Variants in RIC1 observed in about 807,000 individuals in gnomAD.
The protein encoded by RIC1 is RIC1 partner of RAB6A GEF complex, also known as guanine nucleotide exchange factor subunit RIC1.
In RIC1, 88 loss-of-function variants were observed where a neutral mutation model predicts 169.0. The ratio of observed to expected loss-of-function variants is 0.52; its 90% CI spans 0.44 to 0.62. The LOEUF is 0.62. Among genes scored for constraint, RIC1 ranks in the 20% least tolerant of loss-of-function variants. The probability of loss-of-function intolerance (pLI) is 0.00; values close to 1 mark genes in which losing one functional copy is unlikely to be tolerated. For missense variants in RIC1, 1,877 were observed against 1,725.5 expected, an observed-to-expected ratio of 1.09 and a Z score of -1.56; for synonymous variants, 790 against 601.5, an observed-to-expected ratio of 1.31 and a Z score of -4.59.
intron 6 of RIC1, among the ~76,000 whole-genome samples, chr9:5,731,131 A>G (rs188417223): frequency 2.0e-5 from 3 of 152,184 alleles, no homozygotes; most frequent in East Asian, 3.9e-4. Flanking sequence ...CCAGTATTCA[A>G]TATACTTTTT....
At chr9:5,736,336 C>G (rs1315281017) in intron 7 of RIC1, among the ~76,000 whole-genome samples, 1 of 152,126 alleles carries the variant, frequency 6.6e-6, no homozygotes, top group Non-Finnish European at 1.5e-5. Flanking sequence ...CTGATACAGC[C>G]AAGAAAACGG....
At chr9:5,649,722 A>C (rs1275477797) in intron 1 of RIC1, among the ~76,000 whole-genome samples, 2 of 143,938 alleles carry the variant, frequency 1.4e-5, no homozygotes, top group African/African-American at 5.2e-5. Flanking sequence ...GTTCCTTTGG[A>C]GATGTCATAA....
chr9:5,705,828 T>C (rs543600794), intron 3 of RIC1, among the ~76,000 whole-genome samples: 2 of 152,326 alleles, frequency 1.3e-5, no homozygotes, highest in East Asian at 1.9e-4. Flanking sequence ...CCTTTCCTCA[T>C]TTGTTGAGTG....
At chr9:5,702,625 G>A (rs571347491) in intron 3 of RIC1, among the ~76,000 whole-genome samples, 126 of 152,108 alleles carry the variant, frequency 8.3e-4, no homozygotes, top group Middle Eastern at 3.4e-3. Context: ...TGCAACCTCC[G>A]CCTCCCGGGT....
At chr9:5,662,390 A>G (rs1234430275) in intron 2 of RIC1, among the ~76,000 whole-genome samples, 1 of 152,008 alleles carries the variant, frequency 6.6e-6, no homozygotes, top group Non-Finnish European at 1.5e-5. Flanking sequence ...GTTTTGGAAT[A>G]GTTTCAGTAG....
In RIC1 at chr9:5,765,776, C is replaced by G; in HGVS notation, c.3115C>G (p.Pro1039Ala). The change falls in exon 21 of 26, where the codon CCA (proline) becomes GCA (alanine). Residue 1039 changes from proline to alanine, a missense_variant. Pro to Ala is a conservative substitution (Grantham distance 27). Around this residue, in one of 3 missense-constraint regions of RIC1, gnomAD observed 681 missense variants for 582.0 expected, o/e 1.17. Coordinates refer to ENST00000414202, the MANE Select transcript of RIC1 (RefSeq NM_020829.4). ...KFSLQKTLSM[P>A]SGPSGKRWSK... ...CAGTTTACAGAAAACACTAAGTATG[C>G]CATCTGGTCCCTCTGGAAAAAGGTA... is the stretch of plus-strand genomic sequence containing the variant. 1 of 1,614,114 alleles carries G rather than the reference C, an allele frequency of 6.2e-7. No individual in the cohort carries two copies. The highest frequency in any genetic ancestry group is 1.3e-5 in the African/African-American group (1 of 75,038).
At chr9:5,663,897 G>A (rs1819600787) in intron 2 of RIC1, among the ~76,000 whole-genome samples, 1 of 152,148 alleles carries the variant, frequency 6.6e-6, no homozygotes, top group Non-Finnish European at 1.5e-5. Flanking sequence ...CCTTCATAGT[G>A]TCACTGATCT....
At position 5,745,919 on chromosome 9, in the gene RIC1, C is replaced by A. The variant is rs1385976368; in HGVS notation, c.1096-12C>A. ...TGCTCTGACTTTTTTTCTCCCTCCT[C>A]TTCTCTCTAAGAGCTGGGGTGCAGA... On this transcript the variant is annotated splice_polypyrimidine_tract_variant and intron_variant, in intron 10 of 25. Coordinates refer to ENST00000414202, the MANE Select transcript of RIC1 (RefSeq NM_020829.4). 6.2e-7 allele frequency: 1 copy of A among 1,606,774 alleles called. No homozygotes were observed. Among genetic ancestry groups the A allele is most frequent in the African/African-American group, 1.3e-5 (1 of 74,892 alleles).
intron 7 of RIC1, among the ~76,000 whole-genome samples, chr9:5,733,878 T>TGA (rs1343190816): frequency 1.3e-5 from 2 of 151,718 alleles, no homozygotes; most frequent in Admixed American, 6.6e-5. Context: ...AAGCAAGTTA[T>TGA]GAGAATCCCT....
intron 12 of RIC1, among the ~76,000 whole-genome samples, chr9:5,750,537 G>A (rs1825659803): frequency 6.6e-6 from 1 of 151,866 alleles, no homozygotes. Flanking sequence ...TAGGAGGATG[G>A]CTCCCACAGT....
chr9:5,630,722 T>C (rs1301162736), intron 1 of RIC1, among the ~76,000 whole-genome samples: 1 of 152,236 alleles, frequency 6.6e-6, no homozygotes, highest in Non-Finnish European at 1.5e-5. Context: ...TTTTGTCTAG[T>C]GCCTGATTGT....
At chr9:5,658,591 G>T (rs1334013628) in intron 2 of RIC1, among the ~76,000 whole-genome samples, 1 of 152,002 alleles carries the variant, frequency 6.6e-6, no homozygotes, top group Non-Finnish European at 1.5e-5. Flanking sequence ...TACTAATTCA[G>T]TACAACCCGA....
At chr9:5,730,895 T>A (rs1056135081) in intron 6 of RIC1, among the ~76,000 whole-genome samples, 1 of 152,156 alleles carries the variant, frequency 6.6e-6, no homozygotes, top group Non-Finnish European at 1.5e-5. Flanking sequence ...TATACTACTT[T>A]CCTTTCACAA....
At chr9:5,676,111 C>G (rs1427782650) in intron 2 of RIC1, among the ~76,000 whole-genome samples, 2 of 152,152 alleles carry the variant, frequency 1.3e-5, no homozygotes, top group African/African-American at 4.8e-5. Context: ...AAGACGAGGT[C>G]TTGCTGTGTT....
At chr9:5,728,866 G>A (rs1363561434) in intron 6 of RIC1, among the ~76,000 whole-genome samples, 1 of 152,156 alleles carries the variant, frequency 6.6e-6, no homozygotes, top group Admixed American at 6.5e-5. Context: ...TTTGGCTGCT[G>A]TGACAGAGAC....
chr9:5,703,844 A>T (rs1822392565), intron 3 of RIC1, among the ~76,000 whole-genome samples: 1 of 152,208 alleles, frequency 6.6e-6, no homozygotes, highest in African/African-American at 2.4e-5. Flanking sequence ...AGGAGTGTTC[A>T]TAGCAGTTGT....
chr9:5,709,234 C>T (rs142761983), intron 3 of RIC1, among the ~76,000 whole-genome samples: 17 of 152,260 alleles, frequency 1.1e-4, no homozygotes, highest in African/African-American at 3.1e-4. Flanking sequence ...GCAGTTCTGC[C>T]GTCTGTCCAG....
In RIC1 at chr9:5,756,369, A is replaced by G. The variant is rs753403564; in HGVS notation, c.1850A>G (p.Asp617Gly). Reference sequence around the variant, plus strand: ...CTTTACAGTATTGAAAGAAAATCTGATGGGTAAGTATCTGGCATATGAGAA... The same window carrying G: ...CTTTACAGTATTGAAAGAAAATCTGGTGGGTAAGTATCTGGCATATGAGAA... ...ICLYSIERKS[D>G]GPNTTAGIQV... The change falls in exon 16 of 26, where the codon GAT becomes GGT. Residue 617 changes from aspartate to glycine, a missense_variant. Physicochemically the swap from Asp to Gly is moderately conservative, Grantham distance 94 (BLOSUM62 -1). Transcript: ENST00000414202. 2.9e-5 allele frequency: 43 copies of G among 1,461,018 alleles called. No individual in the cohort carries two copies. Among genetic ancestry groups the G allele is most frequent in the Admixed American group, 6.1e-5 (3 of 49,030 alleles). 90.5% of individuals were successfully genotyped at this position (1,461,018 alleles called of 1,614,324 possible). A position where few individuals can be genotyped will look rare whatever the true frequency, so the allele number is the denominator to read the frequency against.
chr9:5,759,884 T>C (rs1586704077), intron 17 of RIC1, among the ~76,000 whole-genome samples: 1 of 150,392 alleles, frequency 6.6e-6, no homozygotes, highest in East Asian at 1.9e-4. Context: ...ATACTTTTAA[T>C]CATGTTTAAA....
Sources: allele counts gnomAD v4.1 joint callset (sites outside exome capture counted in the v4.1 genomes callset), GRCh38; gene constraint gnomAD v4.1.1; regional missense constraint gnomAD v4.1.1; transcripts MANE v1.5; gene names NCBI Gene and HGNC (gene_info 2026-07-23, HGNC 2026-07-21).